Variants in CDC42BPG observed in about 807,000 individuals in gnomAD.
CDC42BPG encodes the protein CDC42 binding protein kinase gamma.
Under a neutral mutation model 192.2 loss-of-function variants are expected in CDC42BPG, and 157 were observed. The ratio of observed to expected loss-of-function variants is 0.82; its 90% CI spans 0.72 to 0.93. The LOEUF (loss-of-function observed/expected upper bound fraction) is 0.93, where lower values mean the gene tolerates loss of function less well. CDC42BPG is among the 40% of genes least tolerant of loss of function. The pLI, the probability that CDC42BPG is intolerant of heterozygous loss-of-function variation, is 0.00. For synonymous variants in CDC42BPG, 981 were observed against 918.5 expected (o/e 1.07, Z -1.23); for missense variants, 1,992 against 2,122.1 (o/e 0.94, Z 1.20).
intron 27 of CDC42BPG, among the ~76,000 whole-genome samples, 153 bp from the exon 28 acceptor site, chr11:64,831,874 C>A (rs571498474): frequency 6.6e-6 from 1 of 152,398 alleles, no homozygotes; most frequent in African/African-American, 2.4e-5. Context: ...ACTCCAGAGC[C>A]ATGCGACCAG....
chr11:64,832,985 T>C, intron 24 of CDC42BPG, 26 bp from the exon 25 acceptor site: 1 of 1,509,842 alleles, frequency 6.6e-7, no homozygotes, highest in Non-Finnish European at 8.9e-7. Context: ...AGAAGGTGGA[T>C]GAGGTGAGGC....
intron 36 of CDC42BPG, among the ~76,000 whole-genome samples, chr11:64,824,936 T>A (rs1047475070): frequency 6.6e-6 from 1 of 150,688 alleles, no homozygotes; most frequent in African/African-American, 2.4e-5. Flanking sequence ...CGTTTTTTTT[T>A]TTGGAGACAG....
rs867829277 is a variant in CDC42BPG, at chr11:64,832,908, G to A, written c.2783C>T (p.Pro928Leu). The change falls in exon 25 of 37, where the codon CCC becomes CTC. Residue 928 changes from proline to leucine, a missense_variant. By Grantham distance (98) the Pro-to-Leu change is moderately conservative. Around this residue, in one of 2 missense-constraint regions of CDC42BPG, gnomAD observed 1,656 missense variants for 1,844.3 expected, o/e 0.90. Coordinates refer to ENST00000342711, the MANE Select transcript of CDC42BPG (RefSeq NM_017525.3). Reference sequence around the variant, plus strand: ...TGTGCGGAGGAGGTCAGGGGGCACGGGGCAGGGTGGGGCCTGTGGGGCACA... The same window carrying A: ...TGTGCGGAGGAGGTCAGGGGGCACGAGGCAGGGTGGGGCCTGTGGGGCACA... ...TTCAPQAPPC[P>L]VPPDLLRTAL... 3.0e-5 allele frequency: 47 copies of A among 1,549,214 alleles called. No homozygotes were observed. The highest frequency in any genetic ancestry group is 4.1e-5 in the Non-Finnish European group (47 of 1,146,564).
intron 12 of CDC42BPG, 41 bp from the exon 13 acceptor site, chr11:64,836,337 G>A: frequency 6.2e-7 from 1 of 1,608,376 alleles, no homozygotes. Flanking sequence ...ACAAGGCCCA[G>A]AGTCAGGCAC....
intron 4 of CDC42BPG, 137 bp from the exon 5 acceptor site, chr11:64,840,405 G>A: frequency 2.1e-6 from 3 of 1,401,284 alleles, no homozygotes; most frequent in Non-Finnish European, 2.9e-6. Context: ...CAGGGCTCAG[G>A]CAGGAGGCGC....
At position 64,841,657 on chromosome 11, in the gene CDC42BPG, C is replaced by T. The variant is rs775414302; in HGVS notation, c.329G>A (p.Arg110Lys). 1 of 1,613,534 alleles carries T rather than the reference C, an allele frequency of 6.2e-7. No homozygotes were observed. Among genetic ancestry groups the T allele is most frequent in the East Asian group, 2.2e-5 (1 of 44,834 alleles). The stretch of plus-strand genomic sequence containing the variant: ...CCCAGACTCCACACTGACCTCAGCC[C>T]TCTTCAGCATCTCCCACTTGTGCAG... ...KMLHKWEMLKRAETACFREER... is the reference protein window; with the variant it reads ...KMLHKWEMLKKAETACFREER... The change falls in exon 3 of 37, where the codon AGG (arginine) becomes AAG (lysine). Residue 110 changes from arginine to lysine, a missense_variant. Transcript: ENST00000342711.
Position 64,826,362 on chromosome 11 carries a change from G to T in CDC42BPG, c.4599+108C>A. ...TGCATCTCGTAGAATCGAGGGCAGGGATGGGCTCAGCTTGTTCCCTAGCCT... is the reference window on the plus strand; with the variant it reads ...TGCATCTCGTAGAATCGAGGGCAGGTATGGGCTCAGCTTGTTCCCTAGCCT... On this transcript the variant is annotated intron_variant, in intron 36 of 36. Transcript: ENST00000342711. 2.7e-5 allele frequency: 21 copies of T among 764,738 alleles called. 1 individual carries two copies. In the South Asian group the frequency reaches 3.2e-4, roughly 12 times the overall value. The allele number at this position is 764,738 out of a possible 1,614,324, so 47.4% of individuals were successfully genotyped here. A position where few individuals can be genotyped will look rare whatever the true frequency, so the allele number is the denominator to read the frequency against.
intron 36 of CDC42BPG, among the ~76,000 whole-genome samples, chr11:64,825,570 G>A (rs1390319561): frequency 6.6e-6 from 1 of 152,222 alleles, no homozygotes; most frequent in African/African-American, 2.4e-5. Context: ...AGAGCCTGCA[G>A]GTGTGGAAGA....
rs1244389480 is a variant in CDC42BPG at position 64,829,580 on chromosome 11, G to A, written c.3858C>T (p.Ser1286=). Residue 1286 remains serine (S), a synonymous_variant, in exon 30 of 37, where the codon AGC becomes AGT. Transcript: ENST00000342711. ...TGAAGAGTAGCAGGAACTCGCTGAG[G>A]CTAAGCTCCACGGCACCCAGTGCCT... The part of the protein sequence containing the change: ...LGEALGAVEL[S]LSEFLLLFTT... 1.9e-6 allele frequency: 3 copies of A among 1,612,522 alleles called. No homozygotes were observed. The Admixed American group carries it at 5.0e-5, about 27-fold the overall frequency.
chr11:64,832,262 C>T (rs1394521953), intron 27 of CDC42BPG, among the ~76,000 whole-genome samples, 166 bp downstream of exon 27: 1 of 152,232 alleles, frequency 6.6e-6, no homozygotes, highest in African/African-American at 2.4e-5. Context: ...TGGGAAGCCA[C>T]AGCAGATCCT....
At position 64,827,783 on chromosome 11, in the gene CDC42BPG, C is replaced by G. The variant is rs763918379; in HGVS notation, c.3968G>C (p.Gly1323Ala). The change falls in exon 31 of 37, where the codon GGG becomes GCG. Residue 1323 changes from glycine (G) to alanine (A), a missense_variant and splice_region_variant. Coordinates refer to ENST00000342711, the MANE Select transcript of CDC42BPG (RefSeq NM_017525.3). ...LLWPAAPMGW[G>A]YAAPYLTVFS... ...CACTGTCAGGTAGGGGGCCGCATAC[C>G]CTGCGGGCACGCCAGGCACCTCTGA... The G allele has an allele frequency of 1.9e-6, 3 of 1,602,244 alleles. No individual in the cohort carries two copies. Among genetic ancestry groups the G allele is most frequent in the African/African-American group, 2.7e-5 (2 of 74,666 alleles).
intron 9 of CDC42BPG, among the ~76,000 whole-genome samples, chr11:64,837,848 G>A (rs536199835): frequency 3.3e-5 from 5 of 152,334 alleles, no homozygotes; most frequent in South Asian, 4.1e-4. Context: ...TAGGTGCAGC[G>A]CACCCTCGAC....
At chr11:64,838,220 GC>G in intron 8 of CDC42BPG, 58 bp from the exon 9 acceptor site, 1 of 1,375,672 alleles carries the variant, frequency 7.3e-7, no homozygotes, top group Non-Finnish European at 1.0e-6. Flanking sequence ...GAGGCCCAAG[GC>G]CCAGGAGCCC....
At position 64,838,672 on chromosome 11, in the gene CDC42BPG, G is replaced by A. The variant is rs769740945; in HGVS notation, c.1107C>T (p.Asp369=). The part of the protein sequence containing the change: ...PMDTSNFDVD[D]DTLNHPGTLP... Reference sequence around the variant, plus strand: ...CACTCACTGGATGGTTGAGGGTGTCGTCATCCACATCAAAGTTGGAGGTGT... The same window carrying A: ...CACTCACTGGATGGTTGAGGGTGTCATCATCCACATCAAAGTTGGAGGTGT... The change falls in exon 8 of 37, where the codon GAC becomes GAT. Residue 369 remains aspartate (D), a synonymous_variant. Coordinates refer to ENST00000342711, the MANE Select transcript of CDC42BPG (RefSeq NM_017525.3). The A allele has an allele frequency of 6.2e-6, 10 of 1,612,862 alleles. No homozygotes were observed. In the East Asian group the frequency reaches 8.9e-5, roughly 14 times the overall value.
At position 64,829,855 on chromosome 11, in the gene CDC42BPG, G is replaced by A. The variant is rs762609126; in HGVS notation, c.3583C>T (p.Leu1195Phe). The A allele has an allele frequency of 6.2e-7, 1 of 1,607,894 alleles. No individual in the cohort carries two copies. The highest frequency in any genetic ancestry group is 1.7e-5 in the Admixed American group (1 of 58,344). The part of the protein sequence containing the change: ...GSILQARTPV[L>F]CVAVKRQVLC... ...ACCTGGCGCTTGACGGCTACACAGA[G>A]CACCGGGGTGCGGGCCTGCAGGATG... Residue 1195 changes from leucine (L) to phenylalanine (F), a missense_variant, in exon 30 of 37, where the codon CTC becomes TTC. By Grantham distance (22) the Leu-to-Phe change is conservative (BLOSUM62 0). This residue lies in a region of CDC42BPG where 1,656 missense variants were observed against 1,844.3 expected (regional missense o/e 0.90). Transcript: ENST00000342711.
intron 3 of CDC42BPG, among the ~76,000 whole-genome samples, chr11:64,841,211 G>A (rs1346789003): frequency 9.2e-5 from 14 of 152,022 alleles, no homozygotes; most frequent in Admixed American, 4.6e-4. Flanking sequence ...CCAGCACTTC[G>A]GGAGGCCAAG....
At chr11:64,844,367 T>C (rs1943411946) in intron 1 of CDC42BPG, 43 bp downstream of exon 1, 1 of 1,343,906 alleles carries the variant, frequency 7.4e-7, no homozygotes, top group Non-Finnish European at 9.5e-7. Context: ...CTCGGCGCGA[T>C]ATCCCTAGGC....
At position 64,834,420 on chromosome 11, in the gene CDC42BPG, T is replaced by G. The variant is rs769954593; in HGVS notation, c.2324+9A>C. On this transcript the variant is annotated intron_variant, in intron 19 of 36. Coordinates refer to ENST00000342711, the MANE Select transcript of CDC42BPG (RefSeq NM_017525.3). ...GGCCCTGGCCCCCAGTGCCTGCCCC[T>G]AGCCTCACCGCTCAGCCTGCAGCTG... 3.8e-6 allele frequency: 6 copies of G among 1,563,912 alleles called. No homozygotes were observed. In the South Asian group the frequency reaches 7.0e-5, roughly 18 times the overall value.
At chr11:64,840,460 A>C in intron 4 of CDC42BPG, 93 bp downstream of exon 4, 1 of 1,433,380 alleles carries the variant, frequency 7.0e-7, no homozygotes, top group Non-Finnish European at 9.7e-7. Flanking sequence ...TGGTCCCAAG[A>C]GGGGTCTCTC....
Sources: allele counts gnomAD v4.1 joint callset (sites outside exome capture counted in the v4.1 genomes callset), GRCh38; gene constraint gnomAD v4.1.1; regional missense constraint gnomAD v4.1.1; transcripts MANE v1.5; gene names NCBI Gene and HGNC (gene_info 2026-07-23, HGNC 2026-07-21).